The following EPHA7 variants were observed in gnomAD, a reference collection of about 807,000 sequenced individuals.
The protein encoded by EPHA7 is EPH receptor A7, also known as ephrin type-A receptor 7.
EPHA7 carries 25 observed loss-of-function variants against 112.6 expected under a neutral mutation model. The ratio of observed to expected loss-of-function variants is 0.22; its 90% CI spans 0.16 to 0.31. The LOEUF is 0.31. EPHA7 is among the 10% of genes least tolerant of loss of function. The pLI is 1.00. For missense variants in EPHA7, 962 were observed against 1,212.6 expected (o/e 0.79, Z 3.07); for synonymous variants, 437 against 406.5 (o/e 1.07, Z -0.90).
At chr6:93,283,555 C>T (rs190630697) in intron 5 of EPHA7, among the ~76,000 whole-genome samples, 4 of 151,858 alleles carry the variant, frequency 2.6e-5, no homozygotes, top group South Asian at 2.1e-4. Flanking sequence ...AGCAAGACCA[C>T]GAACCCACCA....
intron 5 of EPHA7, among the ~76,000 whole-genome samples, chr6:93,293,996 C>G (rs1270467532): frequency 6.6e-6 from 1 of 152,150 alleles, no homozygotes; most frequent in Non-Finnish European, 1.5e-5. Context: ...TTTTCTTTCT[C>G]CCGCTATTCA....
intron 5 of EPHA7, among the ~76,000 whole-genome samples, chr6:93,352,207 A>G (rs1775728126): frequency 1.3e-5 from 2 of 152,112 alleles, no homozygotes; most frequent in African/African-American, 4.8e-5. Flanking sequence ...TTTCCCTTTG[A>G]GGAGAGACCA....
chr6:93,264,623 G>T lies in EPHA7; in HGVS notation c.1713C>A (p.Phe571Leu). The T allele has an allele frequency of 6.2e-7, 1 of 1,606,970 alleles. No individual in the cohort carries two copies. The highest frequency in any genetic ancestry group is 8.5e-7 in the Non-Finnish European group (1 of 1,175,476). ...TCCCAATGATGAAGCCAAAGACCAT[G>T]AACACCAAAATGATGGTCCCAGCTA... ...VAVAGTIILV[F>L]MVFGFIIGRR... The change falls in exon 8 of 17, where the codon TTC becomes TTA. Residue 571 changes from phenylalanine to leucine, a missense_variant. This residue lies in a region of EPHA7 where 746 missense variants were observed against 889.2 expected (regional missense o/e 0.84). Transcript: ENST00000369303.
In EPHA7 at chr6:93,241,288, G is replaced by T. The variant is rs1034069295; in HGVS notation, c.*2138C>A. ...GAGTCTAGAATCCAAAAGGAATTAA[G>T]AACACTCACTCAAACTCTTTCACTC... On this transcript the variant is annotated 3_prime_UTR_variant, in exon 17 of 17. Transcript: ENST00000369303. The T allele has an allele frequency of 8.6e-5, 19 of 220,734 alleles. No homozygotes were observed. Among genetic ancestry groups the T allele is most frequent in the African/African-American group, 4.0e-4 (18 of 44,680 alleles). The allele number at this position is 220,734 out of a possible 1,614,324, so 13.7% of individuals were successfully genotyped here.
At chr6:93,274,262 T>G (rs1201385714) in intron 5 of EPHA7, among the ~76,000 whole-genome samples, 3 of 151,918 alleles carry the variant, frequency 2.0e-5, no homozygotes, top group African/African-American at 4.8e-5. Context: ...ACTATCACTT[T>G]GCTTGGTATG....
chr6:93,395,151 T>C (rs1778104759), intron 3 of EPHA7, among the ~76,000 whole-genome samples: 1 of 151,852 alleles, frequency 6.6e-6, no homozygotes, highest in South Asian at 2.1e-4. Flanking sequence ...GAAAGATTAT[T>C]AGATTTTAAC....
chr6:93,415,455 T>C (rs529103410), intron 1 of EPHA7, among the ~76,000 whole-genome samples: 23 of 152,158 alleles, frequency 1.5e-4, no homozygotes, highest in South Asian at 1.0e-3. Flanking sequence ...TAATCACTTG[T>C]ATTTCACTTT....
chr6:93,393,836 T>C (rs761582500), intron 3 of EPHA7, among the ~76,000 whole-genome samples: 25 of 151,754 alleles, frequency 1.6e-4, no homozygotes, highest in Non-Finnish European at 3.2e-4. Flanking sequence ...ATTTTTCCCC[T>C]CTTTTATGGA....
At chr6:93,371,090 G>A (rs905278440) in intron 3 of EPHA7, among the ~76,000 whole-genome samples, 8 of 151,700 alleles carry the variant, frequency 5.3e-5, no homozygotes, top group African/African-American at 1.9e-4. Flanking sequence ...TGTGAACCCA[G>A]GAGGCGGAGC....
At chr6:93,255,074 T>TAATCA (rs1383876708) in intron 13 of EPHA7, among the ~76,000 whole-genome samples, 2 of 152,134 alleles carry the variant, frequency 1.3e-5, no homozygotes, top group African/African-American at 4.8e-5. Flanking sequence ...CTGGGTGCTG[T>TAATCA]GGCTCACATC....
chr6:93,283,029 GC>G (rs1374911114), intron 5 of EPHA7, among the ~76,000 whole-genome samples: 2 of 152,240 alleles, frequency 1.3e-5, no homozygotes, highest in Admixed American at 6.5e-5. Context: ...TCCACCTGCG[GC>G]CCCGGTGCGG....
At chr6:93,339,997 A>C (rs1225607506) in intron 5 of EPHA7, among the ~76,000 whole-genome samples, 2 of 151,764 alleles carry the variant, frequency 1.3e-5, no homozygotes, top group Non-Finnish European at 3.0e-5. Context: ...AATTACTGAG[A>C]AATATAAATT....
intron 1 of EPHA7, 127 bp downstream of exon 1, chr6:93,419,118 G>C: frequency 1.5e-6 from 1 of 661,960 alleles, no homozygotes; most frequent in South Asian, 2.6e-5. Flanking sequence ...TGAGGGGGCG[G>C]GGAGCCGGCG....
chr6:93,259,305 G>C (rs754733451), intron 10 of EPHA7, 49 bp downstream of exon 10: 1 of 1,603,604 alleles, frequency 6.2e-7, no homozygotes, highest in Non-Finnish European at 8.5e-7. Context: ...TATGACTTTC[G>C]ATCTTGGCTA....
At position 93,414,719 on chromosome 6, in the gene EPHA7, G is replaced by C. The variant is rs1292019841; in HGVS notation, c.146C>G (p.Ser49Cys). The C allele has an allele frequency of 6.2e-7, 1 of 1,612,472 alleles. No homozygotes were observed. Among genetic ancestry groups the C allele is most frequent in the South Asian group, 1.1e-5 (1 of 91,020 alleles). ...KAQQTELEWI[S>C]SPPNGWEEIS... ...AAAACTTACCCCATTGGGTGGAGAG[G>C]AAATCCACTCCAACTCTGTTTGTTG... The change falls in exon 2 of 17, where the codon TCC becomes TGC. Residue 49 changes from serine (S) to cysteine (C), a missense_variant. Ser to Cys is a moderately radical substitution (Grantham distance 112). Transcript: ENST00000369303.
chr6:93,354,225 A>ACC (rs1477236808), intron 5 of EPHA7, among the ~76,000 whole-genome samples: 2 of 151,798 alleles, frequency 1.3e-5, no homozygotes. Context: ...GTCTCAAATC[A>ACC]CCCCCCTTTA....
chr6:93,385,049 TAGC>T (rs1777533203), intron 3 of EPHA7, among the ~76,000 whole-genome samples: 1 of 152,176 alleles, frequency 6.6e-6, no homozygotes, highest in African/African-American at 2.4e-5. Flanking sequence ...TTCCTTTTAT[TAGC>T]TATGTAATTA....
chr6:93,326,007 A>G (rs983295884), intron 5 of EPHA7, among the ~76,000 whole-genome samples: 2 of 151,456 alleles, frequency 1.3e-5, no homozygotes, highest in Non-Finnish European at 3.0e-5. Context: ...GATCTAACAA[A>G]GAGTCAAGAA....
chr6:93,304,485 C>T (rs1018210236), intron 5 of EPHA7, among the ~76,000 whole-genome samples: 2 of 152,010 alleles, frequency 1.3e-5, no homozygotes, highest in African/African-American at 4.8e-5. Context: ...ACTATACCAC[C>T]TACTTTATTC....
Sources: gnomAD v4.1 joint callset for allele counts (sites outside exome capture counted in the v4.1 genomes callset) on GRCh38, gnomAD v4.1.1 for gene constraint, gnomAD v4.1.1 regional missense constraint, MANE v1.5 for transcripts, NCBI Gene and HGNC (gene_info 2026-07-23, HGNC 2026-07-21) for gene names.